RXRG: variants seen among roughly 807,000 people sequenced by gnomAD.
RXRG encodes retinoid X receptor gamma.
In RXRG, 19 loss-of-function variants were observed where a neutral mutation model predicts 49.2. That is an observed-to-expected ratio of 0.39 (90% confidence interval 0.27 to 0.57). The LOEUF (loss-of-function observed/expected upper bound fraction) is 0.57, where lower values mean the gene tolerates loss of function less well. RXRG is among the 20% of genes least tolerant of loss of function. The pLI is 0.64. For missense variants in RXRG, 452 were observed against 592.5 expected (o/e 0.76, Z 2.46); for synonymous variants, 224 against 216.6 (o/e 1.03, Z -0.30).
At chr1:165,424,495 G>A (rs182263086) in intron 2 of RXRG, among the ~76,000 whole-genome samples, 23 of 152,248 alleles carry the variant, frequency 1.5e-4, no homozygotes, top group African/African-American at 5.5e-4. Flanking sequence ...GGGTAATCAG[G>A]GCAAGTATTT....
chr1:165,424,053 C>G (rs921708882), intron 2 of RXRG, among the ~76,000 whole-genome samples: 1 of 152,098 alleles, frequency 6.6e-6, no homozygotes, highest in Admixed American at 6.6e-5. Context: ...TCTGTGAGGC[C>G]CATTCCGGAG....
At chr1:165,444,021 A>T (rs1659081764) in intron 1 of RXRG, among the ~76,000 whole-genome samples, 1 of 152,168 alleles carries the variant, frequency 6.6e-6, no homozygotes, top group Non-Finnish European at 1.5e-5. Flanking sequence ...TGTTTCTGTC[A>T]CTAAATCAAG....
At chr1:165,423,391 T>C (rs1186285143) in intron 2 of RXRG, among the ~76,000 whole-genome samples, 1 of 152,168 alleles carries the variant, frequency 6.6e-6, no homozygotes, top group Non-Finnish European at 1.5e-5. Context: ...CGTCTTCCCT[T>C]TTGCAGACTC....
chr1:165,434,567 T>TA (rs796095383), intron 1 of RXRG, among the ~76,000 whole-genome samples: 29 of 152,302 alleles, frequency 1.9e-4, no homozygotes, highest in African/African-American at 7.0e-4. Flanking sequence ...TGGAAACTTG[T>TA]AATGAATCAT....
intron 1 of RXRG, among the ~76,000 whole-genome samples, chr1:165,430,356 G>A (rs184207625): frequency 6.6e-6 from 1 of 152,374 alleles, no homozygotes; most frequent in East Asian, 1.9e-4. Context: ...TAAGTGTAAT[G>A]TCAGGAGTAG....
intron 8 of RXRG, 73 bp from the exon 9 acceptor site, chr1:165,406,990 C>CAG: frequency 9.4e-7 from 1 of 1,063,874 alleles, no homozygotes; most frequent in Non-Finnish European, 1.4e-6. Flanking sequence ...TCTCTGGCCA[C>CAG]TCTCTGTAGA....
chr1:165,433,012 A>G (rs934624756), intron 1 of RXRG, among the ~76,000 whole-genome samples: 2 of 152,154 alleles, frequency 1.3e-5, no homozygotes, highest in African/African-American at 4.8e-5. Flanking sequence ...ACCCTCATAA[A>G]TGGGATTAAT....
intron 1 of RXRG, among the ~76,000 whole-genome samples, chr1:165,433,542 T>C (rs956501627): frequency 6.6e-6 from 1 of 152,256 alleles, no homozygotes; most frequent in Non-Finnish European, 1.5e-5. Flanking sequence ...ATAACTTATC[T>C]AATGAAAAAG....
At chr1:165,428,653 C>T in intron 2 of RXRG, 66 bp downstream of exon 2, 1 of 1,524,216 alleles carries the variant, frequency 6.6e-7, no homozygotes, top group Non-Finnish European at 8.8e-7. Flanking sequence ...TGGTTCTGCT[C>T]CAGGAGCAGC....
At position 165,432,375 on chromosome 1, in the gene RXRG, T is replaced by C. The variant is rs75625990; in HGVS notation, c.50-3409A>G. On this transcript the variant is annotated intron_variant, in intron 1 of 9. Coordinates refer to ENST00000359842, the MANE Select transcript of RXRG (RefSeq NM_006917.5). ...ATAAAATAGAATTTTAAAAGACAAA[T>C]ACATCTTAGACAAATGCATTTTAGT... 9.6e-4 allele frequency among the ~76,000 whole-genome samples: 146 copies of C among 152,328 alleles called. 1 individual carries two copies. The East Asian group carries it at 0.011, about 11-fold the overall frequency.
chr1:165,419,644 G>T (rs556902810), intron 3 of RXRG, among the ~76,000 whole-genome samples: 1 of 152,294 alleles, frequency 6.6e-6, no homozygotes, highest in East Asian at 1.9e-4. Context: ...CCAGAGAAGG[G>T]TTTCTGAAAT....
At chr1:165,405,434 A>G (rs1226332010) in intron 9 of RXRG, among the ~76,000 whole-genome samples, 2 of 152,210 alleles carry the variant, frequency 1.3e-5, no homozygotes. Flanking sequence ...TCGGCATACA[A>G]CAGGATACAT....
chr1:165,437,794 G>T (rs1034585229), intron 1 of RXRG, among the ~76,000 whole-genome samples: 4 of 152,194 alleles, frequency 2.6e-5, no homozygotes. Context: ...GCCGGTCCTC[G>T]TTAGCAGGAT....
At chr1:165,407,127 T>C (rs765481018) in intron 8 of RXRG, among the ~76,000 whole-genome samples, 1 of 152,148 alleles carries the variant, frequency 6.6e-6, no homozygotes, top group Non-Finnish European at 1.5e-5. Flanking sequence ...TTAAACTCCA[T>C]GAATAGGCAA....
rs141974014 is a variant in RXRG at position 165,422,991 on chromosome 1, C to T, written c.298-2977G>A. On this transcript the variant is annotated intron_variant, in intron 2 of 9. Transcript: ENST00000359842. ...CTTCCTCACCTCCTTGGCCAGGAGC[C>T]CCTGCAGGAGCAGACTTGCTTTGGG... 6.6e-5 allele frequency among the ~76,000 whole-genome samples: 10 copies of T among 152,330 alleles called. 1 individual carries two copies. Among genetic ancestry groups the T allele is most frequent in the Non-Finnish European group, 7.3e-5 (5 of 68,028 alleles).
At chr1:165,419,823 C>T in intron 3 of RXRG, 47 bp downstream of exon 3, 2 of 1,503,160 alleles carry the variant, frequency 1.3e-6, no homozygotes, top group South Asian at 2.7e-5. Flanking sequence ...CAGTGAGCAG[C>T]CCCTTCTCTG....
intron 1 of RXRG, among the ~76,000 whole-genome samples, chr1:165,443,495 C>T (rs1328737511): frequency 1.3e-5 from 2 of 152,212 alleles, no homozygotes; most frequent in Non-Finnish European, 2.9e-5. Flanking sequence ...TTGAACATCA[C>T]CTCGGGAACA....
rs549950808 is a variant in RXRG, at chr1:165,404,895, A to T, written c.1244+1917T>A. Reference sequence around the variant, plus strand: ...TACCTCAGCCTCCTGAGTAGCTGGGATTATAAGCTCATGCCACCACACCTG... The same window carrying T: ...TACCTCAGCCTCCTGAGTAGCTGGGTTTATAAGCTCATGCCACCACACCTG... On this transcript the variant is annotated intron_variant, in intron 9 of 9. Transcript: ENST00000359842. Among the ~76,000 whole-genome samples, 5 of 152,158 alleles carry T rather than the reference A, an allele frequency of 3.3e-5. No homozygotes were observed. The South Asian group carries it at 8.3e-4, about 25-fold the overall frequency.
chr1:165,418,866 T>A (rs577865735), intron 3 of RXRG, among the ~76,000 whole-genome samples: 1 of 152,362 alleles, frequency 6.6e-6, no homozygotes, highest in South Asian at 2.1e-4. Context: ...TCTGCATGAT[T>A]TGGGAAATAT....
Sources: gnomAD v4.1 joint callset for allele counts (sites outside exome capture counted in the v4.1 genomes callset) on GRCh38, gnomAD v4.1.1 for gene constraint, MANE v1.5 for transcripts, NCBI Gene and HGNC (gene_info 2026-07-23, HGNC 2026-07-21) for gene names.